ADAM23: variants seen among roughly 807,000 people sequenced by gnomAD.
The protein encoded by ADAM23 is ADAM metallopeptidase domain 23.
A neutral mutation model predicts 120.1 loss-of-function variants in ADAM23; 33 were observed. The ratio of observed to expected loss-of-function variants is 0.27; its 90% CI spans 0.21 to 0.37. The LOEUF (loss-of-function observed/expected upper bound fraction) is 0.37. ADAM23 is among the 10% of genes least tolerant of loss of function. The probability of loss-of-function intolerance (pLI) is 1.00; values close to 1 mark genes in which losing one functional copy is unlikely to be tolerated. For synonymous variants in ADAM23, 367 were observed against 375.2 expected, an observed-to-expected ratio of 0.98 and a Z score of 0.25; for missense variants, 862 against 1,058.2, an observed-to-expected ratio of 0.81 and a Z score of 2.57.
chr2:206,501,821 A>G (rs1259965540), intron 3 of ADAM23, among the ~76,000 whole-genome samples: 2 of 152,142 alleles, frequency 1.3e-5, no homozygotes, highest in African/African-American at 4.8e-5. Flanking sequence ...CTGTTAAGAG[A>G]GAAGTTAATA....
At chr2:206,464,591 A>C (rs11886726) in intron 2 of ADAM23, among the ~76,000 whole-genome samples, 8,024 of 151,976 alleles carry the variant, frequency 0.053, 739 homozygotes, top group African/African-American at 0.18. Flanking sequence ...AAATAATAAT[A>C]ATAATAAAAA....
intron 24 of ADAM23, among the ~76,000 whole-genome samples, chr2:206,601,928 A>G (rs946327133): frequency 1.3e-5 from 2 of 152,066 alleles, no homozygotes; most frequent in Non-Finnish European, 2.9e-5. Flanking sequence ...TAAGAAAGGA[A>G]GTATTATATT....
intron 24 of ADAM23, 118 bp downstream of exon 24, chr2:206,596,280 C>A: frequency 1.4e-6 from 1 of 697,790 alleles, no homozygotes; most frequent in Non-Finnish European, 2.4e-6. Flanking sequence ...CTGTTTTTGC[C>A]TTTAAAGTAT....
At chr2:206,511,062 C>G (rs767847896) in intron 3 of ADAM23, among the ~76,000 whole-genome samples, 3 of 152,012 alleles carry the variant, frequency 2.0e-5, no homozygotes, top group Non-Finnish European at 4.4e-5. Flanking sequence ...TCTTTTTTGT[C>G]TATCATCTCT....
intron 3 of ADAM23, among the ~76,000 whole-genome samples, chr2:206,501,823 A>C (rs1696393049): frequency 2.0e-5 from 3 of 152,124 alleles, no homozygotes; most frequent in Admixed American, 6.6e-5. Flanking sequence ...GTTAAGAGAG[A>C]AGTTAATACC....
chr2:206,448,371 G>A (rs1050175926), intron 2 of ADAM23, among the ~76,000 whole-genome samples: 7 of 152,130 alleles, frequency 4.6e-5, no homozygotes, highest in Non-Finnish European at 7.3e-5. Flanking sequence ...GATTCCTGCC[G>A]TGTAGCAGTA....
intron 24 of ADAM23, chr2:206,605,984 T>G (rs1205883935): frequency 1.7e-6 from 1 of 586,840 alleles, no homozygotes; most frequent in Non-Finnish European, 3.0e-6. Flanking sequence ...GTGTTTCCTG[T>G]GGTAGTGCAC....
At chr2:206,552,435 A>G (rs1697548198) in intron 9 of ADAM23, among the ~76,000 whole-genome samples, 1 of 152,202 alleles carries the variant, frequency 6.6e-6, no homozygotes, top group Non-Finnish European at 1.5e-5. Context: ...TTGTTAAAAC[A>G]GCATATTTTT....
At chr2:206,571,907 A>C in intron 17 of ADAM23, 91 bp downstream of exon 17, 7 of 1,175,304 alleles carry the variant, frequency 6.0e-6, no homozygotes, top group Non-Finnish European at 8.8e-6. Context: ...AGCTTGTCAC[A>C]AATTTCTTGG....
At chr2:206,520,436 A>G (rs748067445) in intron 3 of ADAM23, among the ~76,000 whole-genome samples, 1 of 152,258 alleles carries the variant, frequency 6.6e-6, no homozygotes, top group Non-Finnish European at 1.5e-5. Flanking sequence ...TTTTAGGACA[A>G]ACATCTATAA....
chr2:206,523,776 G>T, intron 3 of ADAM23, among the ~76,000 whole-genome samples: 1 of 152,102 alleles, frequency 6.6e-6, no homozygotes, highest in East Asian at 1.9e-4. Flanking sequence ...TTTAAATTTT[G>T]TGTCTGCATT....
In ADAM23 at chr2:206,619,952, T is replaced by A. The variant is rs1699024018; in HGVS notation, c.*2325T>A. On this transcript the variant is annotated 3_prime_UTR_variant, in exon 26 of 26. Coordinates refer to ENST00000264377, the MANE Select transcript of ADAM23 (RefSeq NM_003812.4). ...GTAGCATCCCTCTAGTCATTGGCAA[T>A]GGCTCTTTCAGCTCGGAGGAAGCTT... 6.6e-6 allele frequency: 1 copy of A among 152,250 alleles called. No individual in the cohort carries two copies. Among genetic ancestry groups the A allele is most frequent in the Non-Finnish European group, 1.5e-5 (1 of 68,060 alleles). The allele number at this position is 152,250 out of a possible 1,614,324, so 9.4% of individuals were successfully genotyped here. A position where few individuals can be genotyped will look rare whatever the true frequency, so the allele number is the denominator to read the frequency against.
At position 206,469,889 on chromosome 2, in the gene ADAM23, C is replaced by T. The variant is rs73983033; in HGVS notation, c.433-11343C>T. Among the ~76,000 whole-genome samples, 655 of 152,302 alleles carry T rather than the reference C, an allele frequency of 4.3e-3. 3 individuals carry two copies. Among genetic ancestry groups the T allele is most frequent in the African/African-American group, 0.014 (596 of 41,570 alleles). ...GGTATTTACATGACTTGCACCTTCA[C>T]CTAGTCTTTGCTCAAATATCAGCTT... On this transcript the variant is annotated intron_variant, in intron 2 of 25. Transcript: ENST00000264377.
chr2:206,460,938 A>G (rs1293634216), intron 2 of ADAM23, among the ~76,000 whole-genome samples: 1 of 151,810 alleles, frequency 6.6e-6, no homozygotes, highest in Non-Finnish European at 1.5e-5. Flanking sequence ...AACCAACTTT[A>G]TTTTAATTTT....
chr2:206,511,351 T>C (rs895827232), intron 3 of ADAM23, among the ~76,000 whole-genome samples: 1 of 152,326 alleles, frequency 6.6e-6, no homozygotes, highest in Middle Eastern at 3.4e-3. Context: ...CCTTCTTTCT[T>C]TTCTTCCTGG....
chr2:206,555,873 A>T (rs777929139), intron 9 of ADAM23, among the ~76,000 whole-genome samples: 2 of 152,112 alleles, frequency 1.3e-5, no homozygotes, highest in Non-Finnish European at 2.9e-5. Context: ...AGAGGAACTT[A>T]ATGTTAATAT....
chr2:206,486,725 C>T (rs1301948426), intron 3 of ADAM23, among the ~76,000 whole-genome samples: 1 of 152,084 alleles, frequency 6.6e-6, no homozygotes, highest in Non-Finnish European at 1.5e-5. Flanking sequence ...CTACCACCTC[C>T]ACCACGACCG....
chr2:206,482,602 C>G (rs1384730434), intron 3 of ADAM23, among the ~76,000 whole-genome samples: 2 of 152,112 alleles, frequency 1.3e-5, no homozygotes, highest in African/African-American at 4.8e-5. Context: ...ACTTAGAGGT[C>G]TGGAAATGTG....
At chr2:206,496,410 A>C (rs1485654024) in intron 3 of ADAM23, among the ~76,000 whole-genome samples, 1 of 152,234 alleles carries the variant, frequency 6.6e-6, no homozygotes, top group Admixed American at 6.5e-5. Flanking sequence ...TACTGGGTAC[A>C]TAACGAAATG....
Sources: gnomAD v4.1 joint callset for allele counts (sites outside exome capture counted in the v4.1 genomes callset) on GRCh38, gnomAD v4.1.1 for gene constraint, MANE v1.5 for transcripts, NCBI Gene and HGNC (gene_info 2026-07-23, HGNC 2026-07-21) for gene names.